PHLPP1: variants seen among roughly 807,000 people sequenced by gnomAD.
PHLPP1 encodes the protein PH domain and leucine rich repeat protein phosphatase 1.
PHLPP1 carries 42 observed loss-of-function variants against 117.2 expected under a neutral mutation model. That is an observed-to-expected ratio of 0.36 (90% confidence interval 0.28 to 0.46). The LOEUF (loss-of-function observed/expected upper bound fraction) is 0.46, where lower values mean the gene tolerates loss of function less well. Ranked by LOEUF, PHLPP1 falls within the 20% of genes least tolerant of loss-of-function variation. The pLI is 1.00. For missense variants in PHLPP1, 2,084 were observed against 2,241.9 expected, an observed-to-expected ratio of 0.93 and a Z score of 1.42; for synonymous variants, 1,042 against 970.7, an observed-to-expected ratio of 1.07 and a Z score of -1.37.
chr18:62,776,458 T>C (rs1419976026), intron 1 of PHLPP1, among the ~76,000 whole-genome samples: 1 of 152,170 alleles, frequency 6.6e-6, no homozygotes, highest in Non-Finnish European at 1.5e-5. Context: ...TAAAATATTT[T>C]CACAGCAACA....
chr18:62,716,963 G>C lies in PHLPP1; in HGVS notation c.1280G>C (p.Gly427Ala). 1 of 1,539,376 alleles carries C rather than the reference G, an allele frequency of 6.5e-7. No homozygotes were observed. Among genetic ancestry groups the C allele is most frequent in the Non-Finnish European group, 8.7e-7 (1 of 1,146,084 alleles). Residue 427 changes from glycine to alanine, a missense_variant, in exon 1 of 17, where the codon GGC becomes GCC. By Grantham distance (60) the Gly-to-Ala change is moderately conservative. Coordinates refer to ENST00000262719, the MANE Select transcript of PHLPP1 (RefSeq NM_194449.4). The surrounding 1 kb of genome is among the most constrained non-coding windows in gnomAD (Gnocchi z 5.7). Reference sequence around the variant, plus strand: ...GCCCCGAGGGCCATTGACAGCCCGGGCGGGGCCGTCCGCGAGGGGTCGTGC... The same window carrying C: ...GCCCCGAGGGCCATTGACAGCCCGGCCGGGGCCGTCCGCGAGGGGTCGTGC... ...QKAPRAIDSP[G>A]GAVREGSCEE... is the part of the protein sequence containing the mutation.
At chr18:62,774,230 C>T (rs1031532593) in intron 1 of PHLPP1, among the ~76,000 whole-genome samples, 1 of 152,112 alleles carries the variant, frequency 6.6e-6, no homozygotes, top group African/African-American at 2.4e-5. Flanking sequence ...GTTTTTTTCT[C>T]TTCTTTCCTG....
chr18:62,802,856 C>T (rs1218137472), intron 1 of PHLPP1, among the ~76,000 whole-genome samples: 1 of 152,000 alleles, frequency 6.6e-6, no homozygotes, highest in Non-Finnish European at 1.5e-5. Context: ...AAGTCCAGTC[C>T]TGTAGATTCC....
intron 4 of PHLPP1, among the ~76,000 whole-genome samples, chr18:62,892,217 T>C (rs1375265489): frequency 1.3e-5 from 2 of 151,248 alleles, no homozygotes; most frequent in Non-Finnish European, 2.9e-5. Flanking sequence ...GCCTCCTGAG[T>C]AGCTGGGACT....
Position 62,945,227 on chromosome 18 carries a change from T to G in PHLPP1, c.3280T>G (p.Cys1094Gly), listed in dbSNP as rs778400750. ...GCACACCGTGATTGCTCACTCCAAC[T>G]GCATCGAGGTCTTTCCCGAAGTTAT... is the stretch of plus-strand genomic sequence containing the variant. ...RMHTVIAHSN[C>G]IEVFPEVMQL... Residue 1094 changes from cysteine to glycine, a missense_variant, in exon 12 of 17, where the codon TGC becomes GGC. Around this residue, in one of 2 missense-constraint regions of PHLPP1, gnomAD observed 1,365 missense variants for 1,605.9 expected, o/e 0.85. Transcript: ENST00000262719. The G allele has an allele frequency of 6.2e-7, 1 of 1,610,356 alleles. No homozygotes were observed.
At chr18:62,759,230 A>G (rs770082438) in intron 1 of PHLPP1, among the ~76,000 whole-genome samples, 1 of 152,216 alleles carries the variant, frequency 6.6e-6, no homozygotes, top group Non-Finnish European at 1.5e-5. Flanking sequence ...ACTGCTGCAG[A>G]AAAAACACAG....
intron 10 of PHLPP1, among the ~76,000 whole-genome samples, chr18:62,920,773 C>G (rs1909440979): frequency 6.6e-6 from 1 of 152,070 alleles, no homozygotes; most frequent in Non-Finnish European, 1.5e-5. Flanking sequence ...GTTGGCCAGG[C>G]TGGTTTCGAA....
chr18:62,961,849 T>C (rs1240885826), intron 13 of PHLPP1, among the ~76,000 whole-genome samples: 1 of 152,232 alleles, frequency 6.6e-6, no homozygotes, highest in African/African-American at 2.4e-5. Flanking sequence ...TTGCTAGTAA[T>C]TGAGAGTAGA....
chr18:62,957,707 C>A (rs189647879), intron 12 of PHLPP1, among the ~76,000 whole-genome samples: 1 of 151,458 alleles, frequency 6.6e-6, no homozygotes, highest in African/African-American at 2.4e-5. Flanking sequence ...CTGCACCTCC[C>A]GGATTCTTAT....
intron 12 of PHLPP1, among the ~76,000 whole-genome samples, chr18:62,953,350 T>C (rs577338517): frequency 1.3e-5 from 2 of 152,328 alleles, no homozygotes; most frequent in African/African-American, 4.8e-5. Context: ...TTTCCTGATA[T>C]GCCACACAAA....
intron 1 of PHLPP1, among the ~76,000 whole-genome samples, chr18:62,728,710 T>C (rs1344026138): frequency 1.3e-5 from 2 of 152,102 alleles, no homozygotes; most frequent in Non-Finnish European, 2.9e-5. Flanking sequence ...TGTTTCACCA[T>C]GTTAGCCAGG....
In PHLPP1 at chr18:62,978,214, G is replaced by A. The variant is rs373342686; in HGVS notation, c.3985-48G>A. 1.5e-4 allele frequency: 175 copies of A among 1,146,428 alleles called. No individual in the cohort carries two copies. The highest frequency in any genetic ancestry group is 1.9e-4 in the Non-Finnish European group (154 of 790,858). The allele number at this position is 1,146,428 out of a possible 1,614,324, so 71.0% of individuals were successfully genotyped here. On this transcript the variant is annotated intron_variant, in intron 16 of 16. Coordinates refer to ENST00000262719, the MANE Select transcript of PHLPP1 (RefSeq NM_194449.4). This position sits in a 1 kb window ranked among gnomAD's most constrained non-coding sequence, Gnocchi z 7.0. ...CCCGCAGGGAACCTGCACAGTTGCC[G>A]CAGGTGCTCTGTATTAACTGTCTGT... is the stretch of plus-strand genomic sequence containing the variant.
chr18:62,944,856 A>G (rs771387004), intron 11 of PHLPP1, among the ~76,000 whole-genome samples: 9 of 152,202 alleles, frequency 5.9e-5, no homozygotes, highest in Non-Finnish European at 1.2e-4. Context: ...TAATTTCCAC[A>G]TAGACTTTTA....
chr18:62,766,076 A>AAAAAAAAAAAATAT, intron 1 of PHLPP1, among the ~76,000 whole-genome samples: 3 of 21,648 alleles, frequency 1.4e-4, no homozygotes, highest in Non-Finnish European at 1.7e-4. Flanking sequence ...AAAAAAAAAA[A>AAAAAAAAAAAATAT]ATATATATAT....
intron 1 of PHLPP1, among the ~76,000 whole-genome samples, chr18:62,783,303 C>T (rs1913177053): frequency 6.7e-6 from 1 of 148,724 alleles, no homozygotes; most frequent in South Asian, 2.1e-4. Flanking sequence ...TCTTGGCTCA[C>T]TGCAAGCTCT....
intron 1 of PHLPP1, among the ~76,000 whole-genome samples, chr18:62,815,398 C>T (rs1041311460): frequency 2.2e-4 from 33 of 152,026 alleles, no homozygotes; most frequent in Non-Finnish European, 2.4e-4. Context: ...ACCTAGTGAT[C>T]GCCTGCCTCA....
At chr18:62,953,953 A>G (rs915849954) in intron 12 of PHLPP1, among the ~76,000 whole-genome samples, 1 of 152,234 alleles carries the variant, frequency 6.6e-6, no homozygotes, top group African/African-American at 2.4e-5. Context: ...GGCAGATGAT[A>G]TATAATACTT....
At chr18:62,841,624 A>T (rs1915053365) in intron 3 of PHLPP1, among the ~76,000 whole-genome samples, 1 of 151,624 alleles carries the variant, frequency 6.6e-6, no homozygotes, top group Non-Finnish European at 1.5e-5. Context: ...GAGCCACTGC[A>T]CCTGGCTTAC....
At chr18:62,847,799 T>C (rs1915219312) in intron 3 of PHLPP1, among the ~76,000 whole-genome samples, 1 of 152,224 alleles carries the variant, frequency 6.6e-6, no homozygotes, top group African/African-American at 2.4e-5. Flanking sequence ...CCCATGTCCG[T>C]AGGCATTTCC....
Sources: allele counts gnomAD v4.1 joint callset (sites outside exome capture counted in the v4.1 genomes callset), GRCh38; gene constraint gnomAD v4.1.1; regional missense constraint gnomAD v4.1.1; non-coding constraint Gnocchi (gnomAD v3.1); transcripts MANE v1.5; gene names NCBI Gene and HGNC (gene_info 2026-07-23, HGNC 2026-07-21).